Variants in ALCAM observed in about 807,000 individuals in gnomAD.
ALCAM encodes CD166 antigen.
In ALCAM, 30 loss-of-function variants were observed where a neutral mutation model predicts 70.9. That is an observed-to-expected ratio of 0.42 (90% CI 0.32 to 0.57). The LOEUF (loss-of-function observed/expected upper bound fraction) is 0.57. Ranked by LOEUF, ALCAM falls within the 20% of genes least tolerant of loss-of-function variation. The pLI, the probability that ALCAM is intolerant of heterozygous loss-of-function variation, is 0.11. For missense variants in ALCAM, 591 were observed against 695.1 expected, an observed-to-expected ratio of 0.85 and a Z score of 1.68; for synonymous variants, 249 against 242.5, an observed-to-expected ratio of 1.03 and a Z score of -0.25.
chr3:105,534,471 C>A (rs769255891), intron 5 of ALCAM, among the ~76,000 whole-genome samples, 192 bp from the exon 6 acceptor site: 1 of 151,970 alleles, frequency 6.6e-6, no homozygotes, highest in Non-Finnish European at 1.5e-5. Flanking sequence ...AAAAGGGATT[C>A]CAGGATTCTA....
rs776933959 is a variant in ALCAM at position 105,524,455 on chromosome 3, TGCTAGTAACTGA to T, written c.343_354del (p.Leu115_Glu118del). On this transcript the variant is annotated inframe_deletion, in exon 3 of 16. Coordinates refer to ENST00000306107, the MANE Select transcript of ALCAM (RefSeq NM_001627.4). ...AGTGATGAAAAGAGATTTGTGTGCA[TGCTAGTAACTGA>T]GGACAACGTGTTTGAGGCACCTACA... The T allele has an allele frequency of 6.2e-6, 10 of 1,614,130 alleles. No individual in the cohort carries two copies. Among genetic ancestry groups the T allele is most frequent in the Non-Finnish European group, 8.5e-6 (10 of 1,179,996 alleles).
chr3:105,505,493 G>A (rs780286046), intron 1 of ALCAM, among the ~76,000 whole-genome samples: 2 of 152,156 alleles, frequency 1.3e-5, no homozygotes, highest in Non-Finnish European at 2.9e-5. Flanking sequence ...CAGCATTGGG[G>A]ATTATAATTA....
chr3:105,556,832 T>C (rs1940528074), intron 14 of ALCAM, among the ~76,000 whole-genome samples: 1 of 152,096 alleles, frequency 6.6e-6, no homozygotes, highest in South Asian at 2.1e-4. Context: ...AAGATAGTGC[T>C]GGAGGACCAC....
At chr3:105,538,959 A>C (rs1327672796) in intron 6 of ALCAM, among the ~76,000 whole-genome samples, 1 of 152,122 alleles carries the variant, frequency 6.6e-6, no homozygotes, top group Non-Finnish European at 1.5e-5. Context: ...AAGGTAAATA[A>C]ATGACCGCAA....
chr3:105,385,886 C>A (rs1935640090), intron 1 of ALCAM, among the ~76,000 whole-genome samples: 1 of 151,564 alleles, frequency 6.6e-6, no homozygotes, highest in Non-Finnish European at 1.5e-5. Flanking sequence ...TGGCTTTCAA[C>A]AGAGTGCATT....
intron 14 of ALCAM, among the ~76,000 whole-genome samples, chr3:105,560,554 C>T (rs1940610176): frequency 6.6e-6 from 1 of 152,106 alleles, no homozygotes; most frequent in South Asian, 2.1e-4. Flanking sequence ...GAACAGCTAT[C>T]AATTTTTCCT....
At chr3:105,520,227 T>C (rs1255339913) in intron 2 of ALCAM, 60 bp downstream of exon 2, 1 of 1,173,890 alleles carries the variant, frequency 8.5e-7, no homozygotes, top group Non-Finnish European at 1.3e-6. Context: ...TAAAATTCTT[T>C]CTGTGAGTAA....
intron 1 of ALCAM, among the ~76,000 whole-genome samples, chr3:105,370,730 A>G (rs556866333): frequency 2.7e-5 from 4 of 147,964 alleles, no homozygotes; most frequent in South Asian, 4.3e-4. Flanking sequence ...CTTAGTAGGG[A>G]AAAAAAAAAG....
intron 6 of ALCAM, among the ~76,000 whole-genome samples, chr3:105,539,710 A>G (rs563395696): frequency 1.3e-5 from 2 of 152,184 alleles, no homozygotes; most frequent in Non-Finnish European, 2.9e-5. Flanking sequence ...TAAAATAATT[A>G]CCACCATTCC....
chr3:105,398,858 GAA>G (rs910768969), intron 1 of ALCAM, among the ~76,000 whole-genome samples: 1 of 148,512 alleles, frequency 6.7e-6, no homozygotes, highest in Non-Finnish European at 1.5e-5. Context: ...CCAAGAGCAA[GAA>G]AAAAAAAGTG....
intron 1 of ALCAM, among the ~76,000 whole-genome samples, chr3:105,391,972 T>C (rs900019110): frequency 2.0e-5 from 3 of 152,062 alleles, no homozygotes; most frequent in African/African-American, 7.2e-5. Flanking sequence ...TGGATCAGTA[T>C]GCCAGTGTTT....
chr3:105,511,925 A>G (rs1050643340), intron 1 of ALCAM, among the ~76,000 whole-genome samples: 14 of 151,932 alleles, frequency 9.2e-5, no homozygotes, highest in African/African-American at 2.9e-4. Context: ...CTGGTAATTC[A>G]CTACCTCAAT....
At chr3:105,469,011 T>C (rs201811977) in intron 1 of ALCAM, among the ~76,000 whole-genome samples, 1 of 27,046 alleles carries the variant, frequency 3.7e-5, no homozygotes, top group African/African-American at 1.7e-4. Flanking sequence ...GAACTGGTCA[T>C]TTTGGTCATT....
In ALCAM at chr3:105,406,592, T is replaced by C. The variant is rs374890188; in HGVS notation, c.73+39111T>C. On this transcript the variant is annotated intron_variant, in intron 1 of 15. Coordinates refer to ENST00000306107, the MANE Select transcript of ALCAM (RefSeq NM_001627.4). ...CATTAAATGCCTACATTGGAAAGTT[T>C]GAAAAAGCACAAATAGACAATCTAA... 2.0e-5 allele frequency among the ~76,000 whole-genome samples: 3 copies of C among 152,066 alleles called. 1 individual carries two copies. The highest frequency in any genetic ancestry group is 6.6e-5 in the Admixed American group (1 of 15,258).
intron 1 of ALCAM, among the ~76,000 whole-genome samples, chr3:105,504,095 T>C (rs190130334): frequency 1.4e-4 from 22 of 152,294 alleles, no homozygotes; most frequent in Non-Finnish European, 2.9e-5. Flanking sequence ...ATGATAACAC[T>C]ATGAGCATGA....
chr3:105,519,751 A>AATT (rs1345580343), intron 1 of ALCAM, among the ~76,000 whole-genome samples: 1 of 152,170 alleles, frequency 6.6e-6, no homozygotes. Flanking sequence ...TAAAGAAGAT[A>AATT]ATTCATCTGC....
At chr3:105,505,315 G>A (rs1939041787) in intron 1 of ALCAM, among the ~76,000 whole-genome samples, 1 of 152,178 alleles carries the variant, frequency 6.6e-6, no homozygotes, top group South Asian at 2.1e-4. Context: ...GGCGGAAGGT[G>A]AAGAGGAACC....
chr3:105,471,168 G>A (rs978717770), intron 1 of ALCAM, among the ~76,000 whole-genome samples: 1 of 151,350 alleles, frequency 6.6e-6, no homozygotes, highest in Non-Finnish European at 1.5e-5. Flanking sequence ...ATGTCACTTG[G>A]AAGATTTTAT....
chr3:105,486,684 T>C (rs1162151859), intron 1 of ALCAM, among the ~76,000 whole-genome samples: 1 of 152,092 alleles, frequency 6.6e-6, no homozygotes, highest in Non-Finnish European at 1.5e-5. Flanking sequence ...AGAATACATA[T>C]ACAGACAGTT....
Sources: gnomAD v4.1 joint callset for allele counts (sites outside exome capture counted in the v4.1 genomes callset) on GRCh38, gnomAD v4.1.1 for gene constraint, MANE v1.5 for transcripts, NCBI Gene and HGNC (gene_info 2026-07-23, HGNC 2026-07-21) for gene names.